Variants in CHCHD6 observed in about 807,000 individuals in gnomAD.
The protein encoded by CHCHD6 is MICOS complex subunit MIC25.
Under a neutral mutation model 32.3 loss-of-function variants are expected in CHCHD6, and 28 were observed. The observed-to-expected ratio is 0.87, with a 90% CI of 0.64 to 1.19. The LOEUF is 1.19. Ranked by LOEUF, CHCHD6 falls within the 50% of genes most tolerant of loss-of-function variation. CHCHD6 has a pLI of 0.00. For synonymous variants in CHCHD6, 122 were observed against 117.5 expected (o/e 1.04, Z -0.25); for missense variants, 333 against 307.0 (o/e 1.08, Z -0.63).
At chr3:126,779,301 C>A (rs921135769) in intron 4 of CHCHD6, among the ~76,000 whole-genome samples, 4 of 152,008 alleles carry the variant, frequency 2.6e-5, no homozygotes, top group African/African-American at 9.7e-5. Context: ...CACTTTGGAA[C>A]ACCAAGGCAG....
At chr3:126,798,457 A>G (rs1264474413) in intron 4 of CHCHD6, among the ~76,000 whole-genome samples, 1 of 152,158 alleles carries the variant, frequency 6.6e-6, no homozygotes, top group African/African-American at 2.4e-5. Flanking sequence ...GATGGGCCAC[A>G]GTTTGATCTG....
At chr3:126,925,291 T>C (rs2078306817) in intron 6 of CHCHD6, among the ~76,000 whole-genome samples, 1 of 151,916 alleles carries the variant, frequency 6.6e-6, no homozygotes, top group Non-Finnish European at 1.5e-5. Flanking sequence ...AAACACACGG[T>C]TTGGGCCCCC....
intron 1 of CHCHD6, among the ~76,000 whole-genome samples, chr3:126,708,337 C>G (rs1227498519): frequency 3.3e-5 from 5 of 152,158 alleles, no homozygotes; most frequent in African/African-American, 9.7e-5. Flanking sequence ...CTCCATAGCC[C>G]ATGTGCTTGG....
At position 126,822,241 on chromosome 3, in the gene CHCHD6, T is replaced by C. The variant is rs988396843; in HGVS notation, c.412-30406T>C. ...TCCATTTTGAGTTAGTTTTTGTATATGGTGTGAGGTTGGGGTCTAGTTTAT... is the reference window on the plus strand; with the variant it reads ...TCCATTTTGAGTTAGTTTTTGTATACGGTGTGAGGTTGGGGTCTAGTTTAT... On this transcript the variant is annotated intron_variant, in intron 4 of 7. Transcript: ENST00000290913. 2.6e-5 allele frequency among the ~76,000 whole-genome samples: 4 copies of C among 152,218 alleles called. 1 individual carries two copies. Among genetic ancestry groups the C allele is most frequent in the Middle Eastern group, 3.2e-3 (1 of 316 alleles).
chr3:126,839,884 A>G (rs1941003610), intron 4 of CHCHD6, among the ~76,000 whole-genome samples: 1 of 152,184 alleles, frequency 6.6e-6, no homozygotes, highest in African/African-American at 2.4e-5. Context: ...TTGTGCAGCC[A>G]TTGCCACAAT....
chr3:126,799,949 A>G (rs1448101868), intron 4 of CHCHD6, among the ~76,000 whole-genome samples: 2 of 152,208 alleles, frequency 1.3e-5, no homozygotes, highest in African/African-American at 4.8e-5. Context: ...GGTCTACCCC[A>G]TCATTTTTCA....
chr3:126,778,169 A>C (rs1432396199), intron 4 of CHCHD6, among the ~76,000 whole-genome samples: 1 of 152,196 alleles, frequency 6.6e-6, no homozygotes, highest in African/African-American at 2.4e-5. Context: ...TCCATTAACC[A>C]GTTGATGGAT....
At chr3:126,789,582 T>C (rs1470408181) in intron 4 of CHCHD6, among the ~76,000 whole-genome samples, 1 of 152,236 alleles carries the variant, frequency 6.6e-6, no homozygotes, top group Non-Finnish European at 1.5e-5. Context: ...TGTAATGGCC[T>C]TCTTTGTCTC....
intron 5 of CHCHD6, among the ~76,000 whole-genome samples, chr3:126,894,420 A>G (rs914384139): frequency 1.3e-5 from 2 of 152,232 alleles, no homozygotes; most frequent in Admixed American, 6.5e-5. Flanking sequence ...AAGACAAAGG[A>G]CAGACATTAA....
chr3:126,932,532 C>T (rs1307024874), intron 6 of CHCHD6, among the ~76,000 whole-genome samples: 1 of 152,252 alleles, frequency 6.6e-6, no homozygotes, highest in Non-Finnish European at 1.5e-5. Context: ...TTCCCCCACC[C>T]CGCTTCTTCC....
intron 5 of CHCHD6, among the ~76,000 whole-genome samples, chr3:126,853,916 A>G (rs1320527550): frequency 6.6e-6 from 1 of 152,182 alleles, no homozygotes; most frequent in African/African-American, 2.4e-5. Context: ...AGTTGCCGAT[A>G]TGTTCATAGG....
chr3:126,740,125 T>C (rs965348908), intron 4 of CHCHD6, among the ~76,000 whole-genome samples: 1 of 152,218 alleles, frequency 6.6e-6, no homozygotes, highest in Admixed American at 6.5e-5. Context: ...CCATTCTGTT[T>C]GTCAGGGCTT....
chr3:126,828,409 G>T (rs996157519), intron 4 of CHCHD6, among the ~76,000 whole-genome samples: 8 of 152,174 alleles, frequency 5.3e-5, no homozygotes, highest in Admixed American at 5.2e-4. Flanking sequence ...GGAGTTCTTT[G>T]GTTGGAAACA....
At chr3:126,902,914 C>G (rs1327606301) in intron 5 of CHCHD6, among the ~76,000 whole-genome samples, 1 of 152,076 alleles carries the variant, frequency 6.6e-6, no homozygotes. Flanking sequence ...GGCGTGGAAG[C>G]CATCCTTTGA....
intron 6 of CHCHD6, among the ~76,000 whole-genome samples, chr3:126,941,555 C>T (rs1280454970): frequency 1.2e-4 from 19 of 152,098 alleles, no homozygotes; most frequent in Admixed American, 1.2e-3. Flanking sequence ...TAGATAGACT[C>T]TTTTTTTGGG....
intron 5 of CHCHD6, among the ~76,000 whole-genome samples, chr3:126,859,863 G>A (rs765145367): frequency 2.0e-5 from 3 of 152,226 alleles, no homozygotes; most frequent in African/African-American, 4.8e-5. Context: ...CATTGAGGAC[G>A]AAGTGAGGCC....
intron 4 of CHCHD6, among the ~76,000 whole-genome samples, chr3:126,807,345 A>G (rs1228084945): frequency 6.6e-6 from 1 of 152,162 alleles, no homozygotes; most frequent in African/African-American, 2.4e-5. Flanking sequence ...AAGAGAAAAT[A>G]TTGAATTCAT....
intron 5 of CHCHD6, among the ~76,000 whole-genome samples, chr3:126,913,007 G>A (rs1369089202): frequency 6.6e-6 from 1 of 152,126 alleles, no homozygotes. Flanking sequence ...CTTCAGCCAG[G>A]CTAGCTGTGT....
At chr3:126,881,550 C>T (rs547426997) in intron 5 of CHCHD6, among the ~76,000 whole-genome samples, 1 of 152,190 alleles carries the variant, frequency 6.6e-6, no homozygotes, top group African/African-American at 2.4e-5. Context: ...AGCTGACCCT[C>T]ATTGCCCATC....
Sources: allele counts gnomAD v4.1 joint callset (sites outside exome capture counted in the v4.1 genomes callset), GRCh38; gene constraint gnomAD v4.1.1; transcripts MANE v1.5; gene names NCBI Gene and HGNC (gene_info 2026-07-23, HGNC 2026-07-21).